The following IGF2R variants were observed in gnomAD, a reference collection of about 807,000 sequenced individuals.
IGF2R encodes the protein insulin like growth factor 2 receptor, also known as cation-independent mannose-6-phosphate receptor.
A neutral mutation model predicts 270.6 loss-of-function variants in IGF2R; 91 were observed. The ratio of observed to expected loss-of-function variants is 0.34; its 90% CI spans 0.28 to 0.40. IGF2R has a LOEUF of 0.40. Ranked by LOEUF, IGF2R falls within the 10% of genes least tolerant of loss-of-function variation. IGF2R has a pLI of 1.00. For synonymous variants in IGF2R, 1,316 were observed against 1,258.9 expected (o/e 1.05, Z -0.96); for missense variants, 2,805 against 3,188.3 (o/e 0.88, Z 2.90).
chr6:160,060,310 C>T (rs928447340), intron 22 of IGF2R, among the ~76,000 whole-genome samples: 1 of 152,244 alleles, frequency 6.6e-6, no homozygotes. Flanking sequence ...TGTTGTAACA[C>T]AGGCCACTGT....
intron 4 of IGF2R, among the ~76,000 whole-genome samples, chr6:160,018,806 T>C (rs887270166): frequency 6.6e-6 from 1 of 152,092 alleles, no homozygotes; most frequent in African/African-American, 2.4e-5. Flanking sequence ...ACCTGCGGGA[T>C]ACAGCAAAAG....
intron 35 of IGF2R, 89 bp from the exon 36 acceptor site, chr6:160,075,758 T>G (rs893483784): frequency 7.2e-7 from 1 of 1,393,838 alleles, no homozygotes; most frequent in Non-Finnish European, 1.0e-6. Flanking sequence ...TGAGGTCTGG[T>G]TTTTGCAATT....
At chr6:160,016,266 G>A (rs1021933039) in intron 4 of IGF2R, among the ~76,000 whole-genome samples, 2 of 152,050 alleles carry the variant, frequency 1.3e-5, no homozygotes, top group African/African-American at 4.8e-5. Flanking sequence ...TGTGGTAGAG[G>A]CGCCTCTGTC....
chr6:159,982,091 G>A (rs1240550157), intron 1 of IGF2R, among the ~76,000 whole-genome samples: 1 of 152,198 alleles, frequency 6.6e-6, no homozygotes, highest in Non-Finnish European at 1.5e-5. Context: ...CTCGGGGTAG[G>A]AGTCTTCATG....
chr6:160,053,999 A>G (rs1778253671), intron 19 of IGF2R, among the ~76,000 whole-genome samples: 2 of 152,210 alleles, frequency 1.3e-5, no homozygotes, highest in South Asian at 4.1e-4. Context: ...GATTATAGGT[A>G]TGAGCCACCA....
chr6:160,103,847 T>G, intron 47 of IGF2R, 32 bp downstream of exon 47: 2 of 1,439,780 alleles, frequency 1.4e-6, no homozygotes, highest in Non-Finnish European at 2.0e-6. Flanking sequence ...CTTGAAGGCC[T>G]GCCTCCCCGG....
rs1172520044 is a variant in IGF2R, at chr6:160,058,134, A to C, written c.2898+10A>C. The C allele has an allele frequency of 6.5e-7, 1 of 1,549,912 alleles. No homozygotes were observed. Among genetic ancestry groups the C allele is most frequent in the Non-Finnish European group, 8.9e-7 (1 of 1,121,456 alleles). On this transcript the variant is annotated intron_variant, in intron 21 of 47. Coordinates refer to ENST00000356956, the MANE Select transcript of IGF2R (RefSeq NM_000876.4). ...TGGGAAGATTTTTATGGTAAGAGCG[A>C]TATGATGCATTTCCAGTTTGCTTTG... is the stretch of plus-strand genomic sequence containing the variant.
intron 1 of IGF2R, among the ~76,000 whole-genome samples, chr6:159,974,364 C>G (rs1783656727): frequency 6.6e-6 from 1 of 151,914 alleles, no homozygotes; most frequent in South Asian, 2.1e-4. Context: ...TCCCTTTTAC[C>G]CCTTAAAAAT....
Position 160,045,780 on chromosome 6 carries a change from G to A in IGF2R, c.1801G>A (p.Gly601Arg), listed in dbSNP as rs1583277328. 5 of 1,614,134 alleles carry A rather than the reference G, an allele frequency of 3.1e-6. No individual in the cohort carries two copies. The highest frequency in any genetic ancestry group is 4.2e-6 in the Non-Finnish European group (5 of 1,180,010). The change falls in exon 14 of 48, where the codon GGG becomes AGG. Residue 601 changes from glycine to arginine, a missense_variant. Gly to Arg is a moderately radical substitution (Grantham distance 125, BLOSUM62 -2). This residue lies in a region of IGF2R where 954 missense variants were observed against 981.1 expected (regional missense o/e 0.97). Coordinates refer to ENST00000356956, the MANE Select transcript of IGF2R (RefSeq NM_000876.4). ...LESAPVLRTS[G>R]EGGCFYEFEW... is the part of the protein sequence containing the mutation. ...AAGTGCACCAGTGTTGAGAACTTCTGGGGAAGGCGGTTGCTTTTATGAGTT... is the reference window on the plus strand; with the variant it reads ...AAGTGCACCAGTGTTGAGAACTTCTAGGGAAGGCGGTTGCTTTTATGAGTT...
At chr6:160,054,088 C>T (rs1778255609) in intron 19 of IGF2R, among the ~76,000 whole-genome samples, 1 of 152,128 alleles carries the variant, frequency 6.6e-6, no homozygotes, top group Non-Finnish European at 1.5e-5. Context: ...GATTTGCAGC[C>T]TGCAGGGTGG....
At chr6:160,103,248 A>G (rs1456870699) in intron 46 of IGF2R, among the ~76,000 whole-genome samples, 1 of 151,664 alleles carries the variant, frequency 6.6e-6, no homozygotes, top group Admixed American at 6.6e-5. Context: ...GAAAGTACCA[A>G]CCATGGAGGT....
At chr6:160,051,870 G>T (rs1778205018) in intron 19 of IGF2R, among the ~76,000 whole-genome samples, 1 of 152,084 alleles carries the variant, frequency 6.6e-6, no homozygotes, top group African/African-American at 2.4e-5. Context: ...GCTGAGGCAG[G>T]AGGATTCCTT....
chr6:159,980,502 G>A (rs1783782889), intron 1 of IGF2R, among the ~76,000 whole-genome samples: 1 of 152,196 alleles, frequency 6.6e-6, no homozygotes. Context: ...GGTGGAGAGG[G>A]GCAGCCCCAG....
chr6:159,997,985 C>T (rs1238328412), intron 2 of IGF2R, among the ~76,000 whole-genome samples: 1 of 152,142 alleles, frequency 6.6e-6, no homozygotes, highest in Non-Finnish European at 1.5e-5. Context: ...GACTGAAAAA[C>T]CTGGTGAGAG....
intron 46 of IGF2R, 32 bp from the exon 47 acceptor site, chr6:160,103,714 T>A (rs1361071637): frequency 1.3e-6 from 2 of 1,529,334 alleles, no homozygotes; most frequent in African/African-American, 1.4e-5. Flanking sequence ...CTCTCTACAC[T>A]GGAGTAATTA....
intron 2 of IGF2R, among the ~76,000 whole-genome samples, chr6:160,000,890 T>G (rs948009984): frequency 6.6e-6 from 1 of 151,886 alleles, no homozygotes; most frequent in African/African-American, 2.4e-5. Flanking sequence ...CACCACCATG[T>G]CCGGCTAATT....
At chr6:159,978,397 C>G (rs1202843068) in intron 1 of IGF2R, among the ~76,000 whole-genome samples, 1 of 151,894 alleles carries the variant, frequency 6.6e-6, no homozygotes, top group African/African-American at 2.4e-5. Context: ...GTGGCTTGGT[C>G]CCAGGCTAGG....
intron 2 of IGF2R, among the ~76,000 whole-genome samples, chr6:160,001,508 G>A (rs865782832): frequency 3.9e-5 from 6 of 151,988 alleles, no homozygotes; most frequent in Non-Finnish European, 7.4e-5. Flanking sequence ...GAATCATCCC[G>A]AAACCATCCC....
At chr6:160,098,154 TC>T (rs1779407187) in intron 45 of IGF2R, among the ~76,000 whole-genome samples, 1 of 152,192 alleles carries the variant, frequency 6.6e-6, no homozygotes, top group South Asian at 2.1e-4. Context: ...TGGCAGCTGG[TC>T]TTCTGTGTGG....
Sources: gnomAD v4.1 joint callset for allele counts (sites outside exome capture counted in the v4.1 genomes callset) on GRCh38, gnomAD v4.1.1 for gene constraint, gnomAD v4.1.1 regional missense constraint, MANE v1.5 for transcripts, NCBI Gene and HGNC (gene_info 2026-07-23, HGNC 2026-07-21) for gene names.